The following GALNTL6 variants were observed in gnomAD, a reference collection of about 807,000 sequenced individuals.
The protein encoded by GALNTL6 is polypeptide N-acetylgalactosaminyltransferase like 6.
A neutral mutation model predicts 73.7 loss-of-function variants in GALNTL6; 46 were observed. That is an observed-to-expected ratio of 0.62 (90% CI 0.49 to 0.80). The LOEUF is 0.80. Among genes scored for constraint, GALNTL6 ranks in the 30% least tolerant of loss-of-function variants. The pLI, the probability that GALNTL6 is intolerant of heterozygous loss-of-function variation, is 0.00. For synonymous variants in GALNTL6, 259 were observed against 263.7 expected (o/e 0.98, Z 0.17); for missense variants, 604 against 755.0 (o/e 0.80, Z 2.34).
At chr4:172,667,591 T>G (rs1331985882) in intron 5 of GALNTL6, 1 of 152,234 alleles carries the variant, frequency 6.6e-6, no homozygotes, top group Admixed American at 6.5e-5. Flanking sequence ...GGGTTGGTTG[T>G]TCTCAGGTTT....
chr4:172,917,130 A>G (rs1438916227), intron 8 of GALNTL6, among the ~76,000 whole-genome samples: 2 of 152,250 alleles, frequency 1.3e-5, no homozygotes, highest in Non-Finnish European at 2.9e-5. Flanking sequence ...CAAACCTGAC[A>G]AAAACAAGAA....
intron 3 of GALNTL6, among the ~76,000 whole-genome samples, chr4:172,282,179 A>C (rs1188938947): frequency 6.6e-6 from 1 of 152,224 alleles, no homozygotes; most frequent in Non-Finnish European, 1.5e-5. Context: ...CCTACAAATC[A>C]GTATGAAAAC....
intron 5 of GALNTL6, among the ~76,000 whole-genome samples, chr4:172,517,139 T>G (rs1734634478): frequency 6.6e-6 from 1 of 151,918 alleles, no homozygotes; most frequent in Admixed American, 6.6e-5. Context: ...ACTACTAAAC[T>G]TTTACACTTC....
chr4:171,823,625 A>G (rs181812649), intron 2 of GALNTL6, among the ~76,000 whole-genome samples: 42 of 151,604 alleles, frequency 2.8e-4, no homozygotes, highest in African/African-American at 8.9e-4. Context: ...TTAGCTAGAA[A>G]GATGATAGAT....
chr4:172,780,813 G>T (rs1404206305), intron 5 of GALNTL6, among the ~76,000 whole-genome samples: 2 of 152,124 alleles, frequency 1.3e-5, no homozygotes, highest in Admixed American at 6.5e-5. Flanking sequence ...GGCCCATTTG[G>T]TCTGTTTGCT....
chr4:172,771,706 A>G (rs1738771536), intron 5 of GALNTL6, among the ~76,000 whole-genome samples: 1 of 152,218 alleles, frequency 6.6e-6, no homozygotes. Context: ...GATGTTTGTT[A>G]AATAGCAGAT....
intron 8 of GALNTL6, among the ~76,000 whole-genome samples, chr4:172,908,243 A>C (rs1182353972): frequency 1.3e-5 from 2 of 152,210 alleles, no homozygotes; most frequent in Non-Finnish European, 2.9e-5. Context: ...GCCACAGGTA[A>C]CTGAAACCAT....
rs144794241 is a variant in GALNTL6 at position 172,149,326 on chromosome 4, AG to A, written c.139-80329del. The stretch of plus-strand genomic sequence containing the variant: ...CTCAGTCTGGGTCTGGTTAAAAATA[AG>A]TTCAATGAGAGTGTTACATTGTATG... On this transcript the variant is annotated intron_variant, in intron 2 of 12. Coordinates refer to ENST00000506823, the MANE Select transcript of GALNTL6 (RefSeq NM_001034845.3). Among the ~76,000 whole-genome samples, 1,138 of 152,346 alleles carry A rather than the reference AG, an allele frequency of 7.5e-3. 15 individuals are homozygous for A. The highest frequency in any genetic ancestry group is 0.026 in the African/African-American group (1,073 of 41,578).
At chr4:172,281,027 G>A (rs901308106) in intron 3 of GALNTL6, among the ~76,000 whole-genome samples, 2 of 151,832 alleles carry the variant, frequency 1.3e-5, no homozygotes, top group Admixed American at 6.6e-5. Context: ...AAATTAGCCG[G>A]GCGTGGTGGC....
chr4:172,418,043 C>T (rs749769744), intron 5 of GALNTL6, among the ~76,000 whole-genome samples: 2 of 152,124 alleles, frequency 1.3e-5, no homozygotes, highest in African/African-American at 4.8e-5. Context: ...CTGTGCTGAA[C>T]ATTTTGTATA....
chr4:172,280,934 G>T (rs1561003921), intron 3 of GALNTL6, among the ~76,000 whole-genome samples: 1 of 151,438 alleles, frequency 6.6e-6, no homozygotes, highest in Admixed American at 6.6e-5. Flanking sequence ...GCCAAGGTGG[G>T]TGGATCACGA....
intron 5 of GALNTL6, among the ~76,000 whole-genome samples, chr4:172,401,471 A>G (rs1744034770): frequency 6.6e-6 from 1 of 152,126 alleles, no homozygotes; most frequent in Admixed American, 6.6e-5. Context: ...GTTAAATCTC[A>G]TCTTATTTTA....
At chr4:171,931,572 A>G (rs186200506) in intron 2 of GALNTL6, among the ~76,000 whole-genome samples, 2 of 152,344 alleles carry the variant, frequency 1.3e-5, no homozygotes, top group East Asian at 1.9e-4. Flanking sequence ...ATTTCCAACT[A>G]TTAACGACTA....
chr4:171,939,319 A>C (rs333002), intron 2 of GALNTL6, among the ~76,000 whole-genome samples: 115,378 of 151,688 alleles, frequency 0.76, 44,309 homozygotes, highest in Admixed American at 0.86. Context: ...CAATAGGTTT[A>C]TTTCTTGTAA....
chr4:172,736,172 A>G (rs1375621434), intron 5 of GALNTL6, among the ~76,000 whole-genome samples: 1 of 152,140 alleles, frequency 6.6e-6, no homozygotes, highest in Non-Finnish European at 1.5e-5. Context: ...CTAGAATTTC[A>G]CCTGGCTGGA....
chr4:171,845,135 G>A (rs889157064), intron 2 of GALNTL6, among the ~76,000 whole-genome samples: 4 of 152,164 alleles, frequency 2.6e-5, no homozygotes, highest in Non-Finnish European at 5.9e-5. Context: ...TGAAATGGTG[G>A]TATTTTAATA....
chr4:172,515,706 C>G (rs1734582109), intron 5 of GALNTL6, among the ~76,000 whole-genome samples: 1 of 152,176 alleles, frequency 6.6e-6, no homozygotes, highest in Non-Finnish European at 1.5e-5. Flanking sequence ...TAACCAGCAC[C>G]TCCTATTGGC....
At chr4:172,157,463 C>G (rs531135400) in intron 2 of GALNTL6, among the ~76,000 whole-genome samples, 1 of 152,264 alleles carries the variant, frequency 6.6e-6, no homozygotes, top group South Asian at 2.1e-4. Context: ...GGGAGGCAGC[C>G]TACACCAATG....
intron 2 of GALNTL6, among the ~76,000 whole-genome samples, chr4:172,083,267 C>T (rs1013521051): frequency 4.6e-5 from 7 of 152,120 alleles, no homozygotes; most frequent in Admixed American, 3.9e-4. Context: ...TCTGTCTTTG[C>T]CCCACTTCAA....
Sources: allele counts gnomAD v4.1 joint callset (sites outside exome capture counted in the v4.1 genomes callset), GRCh38; gene constraint gnomAD v4.1.1; transcripts MANE v1.5; gene names NCBI Gene and HGNC (gene_info 2026-07-23, HGNC 2026-07-21).